PCDH9: variants seen among roughly 807,000 people sequenced by gnomAD.
PCDH9 encodes protocadherin 9.
In PCDH9, 24 loss-of-function variants were observed where a neutral mutation model predicts 70.6. The observed-to-expected ratio is 0.34, with a 90% confidence interval of 0.25 to 0.48. The LOEUF (loss-of-function observed/expected upper bound fraction) is 0.48. Among genes scored for constraint, PCDH9 ranks in the 20% least tolerant of loss-of-function variants. PCDH9 has a pLI of 0.99. For missense variants in PCDH9, 1,281 were observed against 1,503.6 expected (o/e 0.85, Z 2.45); for synonymous variants, 562 against 558.5 (o/e 1.01, Z -0.09).
chr13:66,781,181 A>T (rs1046541336), intron 3 of PCDH9, among the ~76,000 whole-genome samples: 11 of 152,208 alleles, frequency 7.2e-5, no homozygotes, highest in African/African-American at 2.7e-4. Context: ...TTTAAATATT[A>T]TATAATTTTA....
intron 4 of PCDH9, among the ~76,000 whole-genome samples, chr13:66,549,200 G>C: frequency 6.6e-6 from 1 of 152,040 alleles, no homozygotes; most frequent in East Asian, 1.9e-4. Context: ...ATATATAAAT[G>C]AAATGTATAT....
intron 3 of PCDH9, among the ~76,000 whole-genome samples, chr13:66,903,263 T>C (rs535562143): frequency 6.6e-6 from 1 of 151,914 alleles, no homozygotes; most frequent in Admixed American, 6.6e-5. Context: ...TTTCATTCCA[T>C]GTTACTAACA....
rs1180977172 is a variant in PCDH9 at position 66,945,606 on chromosome 13, C to T, written c.3037-42001G>A. 4.6e-5 allele frequency among the ~76,000 whole-genome samples: 7 copies of T among 152,132 alleles called. No individual in the cohort carries two copies. In the South Asian group the frequency reaches 1.2e-3, roughly 27 times the overall value. ...AATGTAACCATGTTCTATGTAGTCC[C>T]TTGAAACATATTTTTTCTCTGAAAA... On this transcript the variant is annotated intron_variant, in intron 2 of 4. Coordinates refer to ENST00000377865, the MANE Select transcript of PCDH9 (RefSeq NM_203487.3).
chr13:66,763,282 C>T (rs567861284), intron 3 of PCDH9, among the ~76,000 whole-genome samples: 22 of 151,772 alleles, frequency 1.4e-4, no homozygotes, highest in African/African-American at 4.4e-4. Context: ...ACTTTGACAA[C>T]GCAACATTCA....
At chr13:66,622,196 T>A (rs890459014) in intron 4 of PCDH9, among the ~76,000 whole-genome samples, 1 of 152,216 alleles carries the variant, frequency 6.6e-6, no homozygotes, top group Non-Finnish European at 1.5e-5. Flanking sequence ...GGGACAGGGC[T>A]TGAGACCTGC....
chr13:66,470,389 A>C (rs1385706588), intron 4 of PCDH9, among the ~76,000 whole-genome samples: 1 of 152,182 alleles, frequency 6.6e-6, no homozygotes, highest in Non-Finnish European at 1.5e-5. Context: ...GCTCCTTAAA[A>C]TGTAGGTACT....
intron 2 of PCDH9, among the ~76,000 whole-genome samples, chr13:67,028,741 T>C (rs1377665647): frequency 6.6e-6 from 1 of 152,126 alleles, no homozygotes; most frequent in East Asian, 1.9e-4. Context: ...ATGTATTTCT[T>C]CTCACCTCGA....
intron 3 of PCDH9, among the ~76,000 whole-genome samples, chr13:66,778,224 T>C (rs1459390645): frequency 2.0e-5 from 3 of 151,958 alleles, no homozygotes; most frequent in Non-Finnish European, 4.4e-5. Context: ...ATGGCACATG[T>C]ATACATATGT....
intron 2 of PCDH9, among the ~76,000 whole-genome samples, chr13:66,998,236 G>C (rs191491133): frequency 6.6e-5 from 10 of 152,186 alleles, no homozygotes; most frequent in Non-Finnish European, 1.3e-4. Context: ...AAGAGGGCAG[G>C]AATAGCAAGG....
chr13:66,484,352 C>T (rs1034951640), intron 4 of PCDH9, among the ~76,000 whole-genome samples: 3 of 152,092 alleles, frequency 2.0e-5, no homozygotes, highest in African/African-American at 7.2e-5. Context: ...CGTAGCCCCA[C>T]GGCCTGCCCA....
intron 4 of PCDH9, among the ~76,000 whole-genome samples, chr13:66,576,352 T>C (rs1354757940): frequency 1.3e-5 from 2 of 152,010 alleles, no homozygotes; most frequent in African/African-American, 4.8e-5. Flanking sequence ...ACATATATAT[T>C]TTTTATAATG....
At chr13:67,034,288 T>G (rs1464632166) in intron 2 of PCDH9, among the ~76,000 whole-genome samples, 1 of 152,142 alleles carries the variant, frequency 6.6e-6, no homozygotes, top group Non-Finnish European at 1.5e-5. Flanking sequence ...CAGCCAGGAT[T>G]GCGTTTTAAT....
At chr13:66,611,276 T>G (rs73515824) in intron 4 of PCDH9, among the ~76,000 whole-genome samples, 243 of 152,286 alleles carry the variant, frequency 1.6e-3, no homozygotes, top group African/African-American at 5.5e-3. Flanking sequence ...CATATTACAT[T>G]TTTGCAGATT....
intron 3 of PCDH9, among the ~76,000 whole-genome samples, chr13:66,891,855 T>G (rs538138152): frequency 6.6e-6 from 1 of 151,966 alleles, no homozygotes; most frequent in African/African-American, 2.4e-5. Context: ...GTTTGCTTTT[T>G]GTATCATCTT....
chr13:67,013,554 A>G (rs918854205), intron 2 of PCDH9, among the ~76,000 whole-genome samples: 8 of 151,888 alleles, frequency 5.3e-5, no homozygotes, highest in African/African-American at 1.9e-4. Flanking sequence ...TGATTTTTAT[A>G]CACTATAATT....
At chr13:66,444,858 G>C (rs1362264404) in intron 4 of PCDH9, among the ~76,000 whole-genome samples, 1 of 151,938 alleles carries the variant, frequency 6.6e-6, no homozygotes, top group Non-Finnish European at 1.5e-5. Context: ...ACCACGCCCA[G>C]CCTTAGAAAG....
intron 4 of PCDH9, among the ~76,000 whole-genome samples, chr13:66,316,111 C>A (rs918705491): frequency 1.3e-5 from 2 of 152,080 alleles, no homozygotes; most frequent in Admixed American, 6.6e-5. Flanking sequence ...CAAAACACAT[C>A]ATTCTAACCT....
intron 4 of PCDH9, among the ~76,000 whole-genome samples, chr13:66,624,140 A>G (rs2077469205): frequency 6.6e-6 from 1 of 152,206 alleles, no homozygotes; most frequent in Non-Finnish European, 1.5e-5. Context: ...ATTAGTGGTA[A>G]TAACTGTTCC....
At chr13:66,419,867 G>A (rs764526966) in intron 4 of PCDH9, among the ~76,000 whole-genome samples, 1 of 152,014 alleles carries the variant, frequency 6.6e-6, no homozygotes, top group Non-Finnish European at 1.5e-5. Flanking sequence ...GGAGCCAAGT[G>A]GTCTGGCTCA....
Sources: allele counts gnomAD v4.1 joint callset (sites outside exome capture counted in the v4.1 genomes callset), GRCh38; gene constraint gnomAD v4.1.1; transcripts MANE v1.5; gene names NCBI Gene and HGNC (gene_info 2026-07-23, HGNC 2026-07-21).